The following DAB1 variants were observed in gnomAD, a reference collection of about 807,000 sequenced individuals.
DAB1 encodes disabled homolog 1.
DAB1 carries 15 observed loss-of-function variants against 64.6 expected under a neutral mutation model. The observed-to-expected ratio is 0.23, with a 90% CI of 0.16 to 0.36. The LOEUF is 0.36. DAB1 is among the 10% of genes least tolerant of loss of function. The probability of loss-of-function intolerance (pLI) is 1.00; values close to 1 mark genes in which losing one functional copy is unlikely to be tolerated. For missense variants in DAB1, 596 were observed against 706.7 expected, an observed-to-expected ratio of 0.84 and a Z score of 1.78; for synonymous variants, 235 against 251.9, an observed-to-expected ratio of 0.93 and a Z score of 0.64.
chr1:58,182,036 A>G (rs1656822032), intron 4 of DAB1, among the ~76,000 whole-genome samples: 1 of 151,986 alleles, frequency 6.6e-6, no homozygotes, highest in South Asian at 2.1e-4. Flanking sequence ...CTTTGTGCAG[A>G]ATAGTTTTGC....
intron 1 of DAB1, among the ~76,000 whole-genome samples, chr1:57,408,928 G>C (rs1259155209): frequency 6.6e-6 from 1 of 152,100 alleles, no homozygotes; most frequent in African/African-American, 2.4e-5. Context: ...TCACTCACTG[G>C]GAAACACTGG....
intron 1 of DAB1, chr1:57,867,260 G>C (rs1654344443): frequency 6.6e-6 from 1 of 152,154 alleles, no homozygotes; most frequent in Non-Finnish European, 1.5e-5. Flanking sequence ...GGGTTAAAGG[G>C]AAGGCCTCGC....
At chr1:57,624,059 G>C (rs1294813368) in intron 7 of DAB1, among the ~76,000 whole-genome samples, 1 of 152,196 alleles carries the variant, frequency 6.6e-6, no homozygotes, top group Non-Finnish European at 1.5e-5. Flanking sequence ...CAGGCAAGCT[G>C]TTTCACCTCT....
intron 1 of DAB1, chr1:58,534,413 T>C (rs933418632): frequency 6.2e-6 from 4 of 644,928 alleles, no homozygotes; most frequent in Admixed American, 6.8e-5. Context: ...ATATGGCTAC[T>C]TATTATTGAA....
chr1:57,671,378 T>C (rs992825332), intron 6 of DAB1, among the ~76,000 whole-genome samples: 3 of 152,108 alleles, frequency 2.0e-5, no homozygotes, highest in African/African-American at 7.2e-5. Flanking sequence ...ATCTGCCTGC[T>C]AGATTTGATC....
intron 6 of DAB1, among the ~76,000 whole-genome samples, chr1:57,673,006 T>A (rs986161561): frequency 1.3e-5 from 2 of 152,200 alleles, no homozygotes; most frequent in East Asian, 1.9e-4. Context: ...TGTGTCATAG[T>A]TAATTTGGGC....
intron 6 of DAB1, among the ~76,000 whole-genome samples, chr1:57,722,807 A>T (rs759133396): frequency 1.4e-4 from 21 of 152,186 alleles, no homozygotes; most frequent in Non-Finnish European, 2.1e-4. Context: ...AAGCAAAATG[A>T]TGGGTTTGAG....
chr1:57,604,715 A>T (rs1645616075), intron 7 of DAB1, among the ~76,000 whole-genome samples: 1 of 152,220 alleles, frequency 6.6e-6, no homozygotes, highest in Non-Finnish European at 1.5e-5. Flanking sequence ...TTCGTGTGTC[A>T]GGGAGACATG....
At chr1:57,845,814 T>C (rs1471315627) in intron 1 of DAB1, among the ~76,000 whole-genome samples, 2 of 152,232 alleles carry the variant, frequency 1.3e-5, no homozygotes, top group African/African-American at 4.8e-5. Flanking sequence ...TCTGCCTTCC[T>C]ATAACTTTTA....
chr1:57,837,212 A>C (rs1399410679), intron 1 of DAB1, among the ~76,000 whole-genome samples: 1 of 152,252 alleles, frequency 6.6e-6, no homozygotes, highest in African/African-American at 2.4e-5. Flanking sequence ...CTTTTTAAAA[A>C]ACAAATCTGA....
At chr1:57,603,492 T>C (rs1448177775) in intron 7 of DAB1, among the ~76,000 whole-genome samples, 1 of 152,184 alleles carries the variant, frequency 6.6e-6, no homozygotes, top group East Asian at 1.9e-4. Flanking sequence ...ATCTAACAAT[T>C]ATCAGTCTTC....
chr1:57,937,578 C>A (rs1025345854), intron 5 of DAB1, among the ~76,000 whole-genome samples: 2 of 152,098 alleles, frequency 1.3e-5, no homozygotes, highest in Admixed American at 1.3e-4. Flanking sequence ...GGGAAGTGGT[C>A]TGGAGACAGT....
rs1377992953 is a variant in DAB1, at chr1:57,695,369, AAAG to A, written n.552-45707_552-45705del. Among the ~76,000 whole-genome samples, 235 of 48,680 alleles carry A rather than the reference AAAG, an allele frequency of 4.8e-3. 10 individuals carry two copies. The highest frequency in any genetic ancestry group is 0.027 in the African/African-American group (226 of 8,356). 31.9% of individuals were successfully genotyped at this position (48,680 alleles called of 152,430 possible). A position where few individuals can be genotyped will look rare whatever the true frequency, so the allele number is the denominator to read the frequency against. ...GAAAGAAAGAAAAGAAAGAAGAAAG[AAAG>A]AAAGAAAGAAAGAAAGAAAGAAAGA... is the stretch of plus-strand genomic sequence containing the variant. On this transcript the variant is annotated intron_variant and non_coding_transcript_variant, in intron 6 of 20. Coordinates refer to the DAB1 transcript ENST00000485760.
intron 3 of DAB1, among the ~76,000 whole-genome samples, chr1:58,465,311 C>T (rs758715669): frequency 2.0e-5 from 3 of 152,158 alleles, no homozygotes; most frequent in African/African-American, 4.8e-5. Flanking sequence ...CTGCATGACC[C>T]TAGAGAGTGG....
chr1:57,991,227 C>T (rs149042172), intron 5 of DAB1, among the ~76,000 whole-genome samples: 5 of 152,196 alleles, frequency 3.3e-5, no homozygotes, highest in Non-Finnish European at 5.9e-5. Flanking sequence ...ATTAATAAAA[C>T]ATTACATTAC....
At chr1:58,443,454 C>G (rs955240183) in intron 3 of DAB1, among the ~76,000 whole-genome samples, 1 of 152,136 alleles carries the variant, frequency 6.6e-6, no homozygotes, top group Non-Finnish European at 1.5e-5. Flanking sequence ...TTTTTGTTCA[C>G]TTAAGATTTG....
intron 7 of DAB1, among the ~76,000 whole-genome samples, chr1:57,441,406 A>AGT (rs1163071705): frequency 2.1e-5 from 3 of 144,534 alleles, no homozygotes; most frequent in South Asian, 2.2e-4. Flanking sequence ...GAGAGGCTGG[A>AGT]GTGTACTGAC....
chr1:57,067,587 G>A (rs1165298603), intron 8 of DAB1, among the ~76,000 whole-genome samples: 1 of 152,044 alleles, frequency 6.6e-6, no homozygotes, highest in African/African-American at 2.4e-5. Context: ...CACCATTTCT[G>A]AGTCTTATTA....
intron 2 of DAB1, among the ~76,000 whole-genome samples, chr1:57,214,971 A>T (rs549470034): frequency 2.6e-5 from 4 of 152,082 alleles, no homozygotes; most frequent in Middle Eastern, 3.4e-3. Flanking sequence ...AACAAAACAC[A>T]TGGTGAAAAT....
Sources: allele counts gnomAD v4.1 joint callset (sites outside exome capture counted in the v4.1 genomes callset), GRCh38; gene constraint gnomAD v4.1.1; transcripts MANE v1.5; gene names NCBI Gene and HGNC (gene_info 2026-07-23, HGNC 2026-07-21).